The following ECT2 variants were observed in gnomAD, a reference collection of about 807,000 sequenced individuals.
ECT2 encodes protein ECT2.
ECT2 carries 61 observed loss-of-function variants against 116.9 expected under a neutral mutation model. The observed-to-expected ratio is 0.52, with a 90% CI of 0.42 to 0.65. The LOEUF (loss-of-function observed/expected upper bound fraction) is 0.65, where lower values mean the gene tolerates loss of function less well. ECT2 is among the 30% of genes least tolerant of loss of function. The pLI is 0.00. For synonymous variants in ECT2, 358 were observed against 346.4 expected (o/e 1.03, Z -0.37); for missense variants, 937 against 1,078.7 (o/e 0.87, Z 1.84).
intron 14 of ECT2, among the ~76,000 whole-genome samples, chr3:172,779,000 A>T (rs1469600595): frequency 6.6e-6 from 1 of 152,216 alleles, no homozygotes; most frequent in Non-Finnish European, 1.5e-5. Flanking sequence ...TTCTTAGAGC[A>T]ATGTTCTTAT....
chr3:172,758,922 T>G (rs1717640893), intron 5 of ECT2, 58 bp from the exon 6 acceptor site: 2 of 1,351,280 alleles, frequency 1.5e-6, no homozygotes, highest in South Asian at 2.6e-5. Flanking sequence ...CTTGAGAAAG[T>G]TGTGTTGTAT....
At chr3:172,825,249 T>A (rs1730813520), downstream of ECT2, among the ~76,000 whole-genome samples, 1 of 152,142 alleles carries the variant, frequency 6.6e-6, no homozygotes, top group Non-Finnish European at 1.5e-5. Flanking sequence ...GTGTGTGTCC[T>A]GACTGCTCCA....
rs763248466 is a variant in ECT2 at position 172,764,255 on chromosome 3, A to G, written c.1069-23A>G. ...AGTAAAGAACCATGGAAGTAAATTGAGCTTGTGTGCTTTTGATTACAGGCA... is the reference window on the plus strand; with the variant it reads ...AGTAAAGAACCATGGAAGTAAATTGGGCTTGTGTGCTTTTGATTACAGGCA... On this transcript the variant is annotated intron_variant, in intron 11 of 24. Coordinates refer to ENST00000392692, the MANE Select transcript of ECT2 (RefSeq NM_001258315.2). 9 of 1,596,970 alleles carry G rather than the reference A, an allele frequency of 5.6e-6. No homozygotes were observed. The South Asian group carries it at 9.9e-5, about 18-fold the overall frequency.
intron 14 of ECT2, among the ~76,000 whole-genome samples, chr3:172,776,243 T>A (rs1458781904): frequency 7.0e-6 from 1 of 143,436 alleles, no homozygotes; most frequent in Non-Finnish European, 1.5e-5. Flanking sequence ...TGGAGTGCAG[T>A]GGCCTGATCT....
rs1729782511 is a variant in ECT2, at chr3:172,816,725, A to G, written c.2543A>G (p.Lys848Arg). The change falls in exon 24 of 25, where the codon AAA becomes AGA. Residue 848 changes from lysine (K) to arginine (R), a missense_variant. Physicochemically the swap from Lys to Arg is conservative, Grantham distance 26 (BLOSUM62 2). Transcript: ENST00000392692. ...GCATTCTCTTTCTCCAAAACTCCAA[A>G]AAGAGCTCTTCGAAGGGCTCTTATG... The part of the protein sequence containing the change: ...TRAFSFSKTP[K>R]RALRRALMTS... 1.2e-6 allele frequency: 2 copies of G among 1,606,942 alleles called. No individual in the cohort carries two copies. The highest frequency in any genetic ancestry group is 1.7e-5 in the Admixed American group (1 of 59,704).
chr3:172,755,526 G>A lies in ECT2; in HGVS notation c.254G>A (p.Ser85Asn), dbSNP rs1339799562. The change falls in exon 4 of 25, where the codon AGT becomes AAT. Residue 85 changes from serine to asparagine, a missense_variant. Transcript: ENST00000392692. ...GTCCCTGTTATAAAGATAAAAGAAAGTTGTCCTGGAAAATCGGATGAAAAA... is the reference window on the plus strand; with the variant it reads ...GTCCCTGTTATAAAGATAAAAGAAAATTGTCCTGGAAAATCGGATGAAAAA... ...MEVPVIKIKE[S>N]CPGKSDEKLI... 4.0e-6 allele frequency: 6 copies of A among 1,505,684 alleles called. No homozygotes were observed. The East Asian group carries it at 1.5e-4, about 37-fold the overall frequency. The allele number at this position is 1,505,684 out of a possible 1,614,324, so 93.3% of individuals were successfully genotyped here. A position where few individuals can be genotyped will look rare whatever the true frequency, so the allele number is the denominator to read the frequency against.
At chr3:172,793,940 A>G (rs1200170702) in intron 18 of ECT2, among the ~76,000 whole-genome samples, 1 of 151,932 alleles carries the variant, frequency 6.6e-6, no homozygotes, top group Admixed American at 6.6e-5. Flanking sequence ...TGAAAAAAAA[A>G]TTGTGTTTTT....
intron 4 of ECT2, among the ~76,000 whole-genome samples, chr3:172,756,515 G>C (rs532133858): frequency 9.9e-5 from 15 of 152,122 alleles, no homozygotes; most frequent in African/African-American, 3.6e-4. Context: ...TAAGTATTAA[G>C]TGCTATAGTA....
chr3:172,819,405 T>G (rs918270601), intron 24 of ECT2, among the ~76,000 whole-genome samples: 1 of 152,122 alleles, frequency 6.6e-6, no homozygotes. Context: ...ATTTTAAAAT[T>G]TTTAAGACTT....
At chr3:172,815,795 T>C in intron 23 of ECT2, 84 bp downstream of exon 23, 1 of 863,428 alleles carries the variant, frequency 1.2e-6, no homozygotes, top group South Asian at 1.6e-5. Context: ...CAAACACCAG[T>C]ATAAAGATAG....
At position 172,784,808 on chromosome 3, in the gene ECT2, T is replaced by C. The variant is rs745462788; in HGVS notation, c.1825+5T>C. The C allele has an allele frequency of 3.9e-6, 6 of 1,537,332 alleles. No homozygotes were observed. The highest frequency in any genetic ancestry group is 5.4e-6 in the Non-Finnish European group (6 of 1,118,044). On this transcript the variant is annotated splice_donor_5th_base_variant and intron_variant, in intron 17 of 24. Coordinates refer to ENST00000392692, the MANE Select transcript of ECT2 (RefSeq NM_001258315.2). ...GTGTTGCATTACTTTTAAATGGTAC[T>C]TGTCTGATCTGTTTCAAACTACATC...
chr3:172,769,280 C>CA lies in ECT2; in HGVS notation c.1428+142dup, dbSNP rs144587524. 1,870 of 811,654 alleles carry CA rather than the reference C, an allele frequency of 2.3e-3. 8 individuals carry two copies. Among genetic ancestry groups the CA allele is most frequent in the Non-Finnish European group, 2.9e-3 (1,574 of 545,696 alleles). 50.3% of individuals were successfully genotyped at this position (811,654 alleles called of 1,614,324 possible). A position where few individuals can be genotyped will look rare whatever the true frequency, so the allele number is the denominator to read the frequency against. On this transcript the variant is annotated intron_variant, in intron 13 of 24. Transcript: ENST00000392692. Reference sequence around the variant, plus strand: ...GGATGTTAAAAATGGAATTGTGTGACAAAAACTGCTGTTAGGGAAATGTCA... The same window carrying CA: ...GGATGTTAAAAATGGAATTGTGTGACAAAAAACTGCTGTTAGGGAAATGTCA...
rs1358756946 is a variant in ECT2 at position 172,759,060 on chromosome 3, A to G, written c.567A>G (p.Lys189=). The part of the protein sequence containing the change: ...LVLCFTGFRK[K]EELVRLVTLV... ...TATGCTTTACTGGATTTAGGAAAAA[A>G]GAAGAACTAGTAAGTATTACGAAAC... Residue 189 remains lysine, a synonymous_variant, in exon 6 of 25, where the codon AAA becomes AAG. Transcript: ENST00000392692. 3.1e-6 allele frequency: 5 copies of G among 1,591,876 alleles called. No individual in the cohort carries two copies. The highest frequency in any genetic ancestry group is 1.3e-5 in the African/African-American group (1 of 74,208).
At chr3:172,810,538 G>A (rs1479289238) in intron 22 of ECT2, among the ~76,000 whole-genome samples, 1 of 152,120 alleles carries the variant, frequency 6.6e-6, no homozygotes, top group East Asian at 1.9e-4. Flanking sequence ...CTAGTAAGTT[G>A]TTAGTATAAA....
At chr3:172,810,352 T>C (rs1728551506) in intron 22 of ECT2, among the ~76,000 whole-genome samples, 9 of 152,110 alleles carry the variant, frequency 5.9e-5, no homozygotes, top group Admixed American at 5.9e-4. Flanking sequence ...TACTTAAGAG[T>C]TGCAATCTTC....
chr3:172,786,481 GTAT>G lies in ECT2; in HGVS notation c.1826-6_1826-4del, dbSNP rs1723626547. 3.2e-6 allele frequency: 5 copies of G among 1,580,870 alleles called. No individual in the cohort carries two copies. In the African/African-American group the frequency reaches 5.4e-5, roughly 17 times the overall value. On this transcript the variant is annotated splice_polypyrimidine_tract_variant and intron_variant, in intron 17 of 24. Transcript: ENST00000392692. ...ATTTTTTATGCATGGAAAAAACATTGTATTATTACAGATCTTAAGAAGCATACA... is the reference window on the plus strand; with the variant it reads ...ATTTTTTATGCATGGAAAAAACATTGTATTACAGATCTTAAGAAGCATACA...
At chr3:172,752,895 C>CAT (rs1716188168) in intron 1 of ECT2, among the ~76,000 whole-genome samples, 1 of 152,150 alleles carries the variant, frequency 6.6e-6, no homozygotes, top group African/African-American at 2.4e-5. Flanking sequence ...TGAAGTGTCA[C>CAT]ATAACAGCAT....
chr3:172,805,686 TTTC>T, intron 20 of ECT2, 42 bp from the exon 21 acceptor site: 1 of 1,586,180 alleles, frequency 6.3e-7, no homozygotes, highest in Non-Finnish European at 8.6e-7. Flanking sequence ...TTTGGTCCTT[TTTC>T]TTCATTTTAT....
At chr3:172,790,520 G>A (rs1432985986) in intron 18 of ECT2, among the ~76,000 whole-genome samples, 1 of 152,172 alleles carries the variant, frequency 6.6e-6, no homozygotes, top group Non-Finnish European at 1.5e-5. Context: ...ATGTCCCATT[G>A]CTTACTTCTA....
Sources: allele counts gnomAD v4.1 joint callset (sites outside exome capture counted in the v4.1 genomes callset), GRCh38; gene constraint gnomAD v4.1.1; transcripts MANE v1.5; gene names NCBI Gene and HGNC (gene_info 2026-07-23, HGNC 2026-07-21).